COL24A1: variants seen among roughly 807,000 people sequenced by gnomAD.
COL24A1 encodes collagen alpha-1(XXIV) chain.
Under a neutral mutation model 253.9 loss-of-function variants are expected in COL24A1, and 224 were observed. That is an observed-to-expected ratio of 0.88 (90% confidence interval 0.79 to 0.99). COL24A1 has a LOEUF of 0.99. Ranked by LOEUF, COL24A1 falls within the 50% of genes least tolerant of loss-of-function variation. COL24A1 has a pLI of 0.00. For synonymous variants in COL24A1, 685 were observed against 673.7 expected (o/e 1.02, Z -0.26); for missense variants, 2,131 against 2,068.5 (o/e 1.03, Z -0.59).
intron 24 of COL24A1, among the ~76,000 whole-genome samples, chr1:85,948,252 C>T (rs1045022654): frequency 6.6e-5 from 10 of 152,174 alleles, no homozygotes; most frequent in South Asian, 6.2e-4. Context: ...AGGCCGGGCG[C>T]GGTGGCTCAC....
intron 28 of COL24A1, among the ~76,000 whole-genome samples, chr1:85,898,243 C>T (rs1170546901): frequency 6.6e-6 from 1 of 152,098 alleles, no homozygotes; most frequent in South Asian, 2.1e-4. Flanking sequence ...TGAAGGAGTC[C>T]TTTAGGCTTC....
chr1:85,997,910 A>G (rs1056419363), intron 19 of COL24A1, among the ~76,000 whole-genome samples: 6 of 152,166 alleles, frequency 3.9e-5, no homozygotes, highest in African/African-American at 1.2e-4. Flanking sequence ...TAGAGTTGCC[A>G]ATGACCACTT....
chr1:85,848,990 A>G (rs1034786996), intron 38 of COL24A1, among the ~76,000 whole-genome samples: 1 of 152,214 alleles, frequency 6.6e-6, no homozygotes, highest in African/African-American at 2.4e-5. Context: ...TTATAGTTAC[A>G]TTCTCTTCCC....
intron 8 of COL24A1, 105 bp from the exon 9 acceptor site, chr1:86,059,279 G>T: frequency 1.3e-6 from 1 of 748,850 alleles, no homozygotes; most frequent in South Asian, 2.3e-5. Context: ...TAAAAATACG[G>T]AGTCCTACAC....
chr1:85,997,041 A>ATGTGTGTGTGTGTGTG (rs1212886965), intron 19 of COL24A1, among the ~76,000 whole-genome samples: 1,980 of 78,956 alleles, frequency 0.025, 470 homozygotes, highest in Non-Finnish European at 0.04. Flanking sequence ...ATATATATAT[A>ATGTGTGTGTGTGTGTG]TGTGTGTGTG....
chr1:85,837,460 C>T (rs2102207931), intron 43 of COL24A1, among the ~76,000 whole-genome samples: 1 of 152,144 alleles, frequency 6.6e-6, no homozygotes, highest in Middle Eastern at 3.4e-3. Context: ...TCAGACATGA[C>T]CACAGGAATT....
chr1:85,736,920 AAAG>A (rs1436560077), intron 58 of COL24A1, among the ~76,000 whole-genome samples: 1 of 152,190 alleles, frequency 6.6e-6, no homozygotes, highest in African/African-American at 2.4e-5. Flanking sequence ...ATTATTCATG[AAAG>A]AAGTTTTTAG....
chr1:86,128,564 G>C (rs1227519977), intron 2 of COL24A1, among the ~76,000 whole-genome samples: 1 of 151,912 alleles, frequency 6.6e-6, no homozygotes, highest in Non-Finnish European at 1.5e-5. Context: ...CATTTATTAA[G>C]AACCCCTGCC....
intron 20 of COL24A1, among the ~76,000 whole-genome samples, chr1:85,975,607 G>T (rs1283247952): frequency 1.3e-5 from 2 of 152,194 alleles, no homozygotes; most frequent in African/African-American, 4.8e-5. Flanking sequence ...GTGGTTAGCA[G>T]AGGTTGGGAA....
intron 1 of COL24A1, among the ~76,000 whole-genome samples, chr1:86,151,341 T>C (rs1189063537): frequency 6.6e-6 from 1 of 152,174 alleles, no homozygotes; most frequent in East Asian, 1.9e-4. Flanking sequence ...ATGTGGACCA[T>C]GTGTCACTAA....
rs10526604 is a variant in COL24A1 at position 85,906,264 on chromosome 1, C to CTTTTTTTTTTTTTTTTTTTT, written c.2778+929_2778+930insAAAAAAAAAAAAAAAAAAAA. On this transcript the variant is annotated intron_variant, in intron 28 of 59. Coordinates refer to ENST00000370571, the MANE Select transcript of COL24A1 (RefSeq NM_152890.7). ...TTTGCCAACTGGAAAACTGCAAGGT[C>CTTTTTTTTTTTTTTTTTTTT]TTTTTTTTTTTTTACCATGGTTAGG... Among the ~76,000 whole-genome samples, 147 of 77,832 alleles carry CTTTTTTTTTTTTTTTTTTTT rather than the reference C, an allele frequency of 1.9e-3. 31 individuals are homozygous for CTTTTTTTTTTTTTTTTTTTT. Among genetic ancestry groups the CTTTTTTTTTTTTTTTTTTTT allele is most frequent in the Admixed American group, 7.1e-3 (38 of 5,376 alleles). The allele number at this position is 77,832 out of a possible 152,430, so 51.1% of individuals were successfully genotyped here. A position where few individuals can be genotyped will look rare whatever the true frequency, so the allele number is the denominator to read the frequency against.
At chr1:85,941,645 C>G (rs1017116780) in intron 24 of COL24A1, among the ~76,000 whole-genome samples, 4 of 151,950 alleles carry the variant, frequency 2.6e-5, no homozygotes, top group African/African-American at 9.7e-5. Flanking sequence ...AAATGGAATC[C>G]TTTTATTATT....
chr1:86,083,668 G>A (rs1702843588), intron 7 of COL24A1, among the ~76,000 whole-genome samples: 1 of 152,112 alleles, frequency 6.6e-6, no homozygotes, highest in Admixed American at 6.5e-5. Context: ...TAGCTAACCT[G>A]AAATAAAATG....
rs1436386476 is a variant in COL24A1, at chr1:86,156,566, G to A, written c.-170C>T. 1 of 501,356 alleles carries A rather than the reference G, an allele frequency of 2.0e-6. No individual in the cohort carries two copies. The highest frequency in any genetic ancestry group is 3.4e-6 in the Non-Finnish European group (1 of 297,946). The allele number at this position is 501,356 out of a possible 1,614,324, so 31.1% of individuals were successfully genotyped here. A position where few individuals can be genotyped will look rare whatever the true frequency, so the allele number is the denominator to read the frequency against. On this transcript the variant is annotated 5_prime_UTR_variant, in exon 1 of 60. Coordinates refer to ENST00000370571, the MANE Select transcript of COL24A1 (RefSeq NM_152890.7). ...AGGGGAGGGGGTGAAGTCGGGAGGA[G>A]GTAGGAAATAGCACCCGAAGGGGAG... is the stretch of plus-strand genomic sequence containing the variant.
intron 24 of COL24A1, among the ~76,000 whole-genome samples, chr1:85,915,266 C>A (rs1016557832): frequency 2.6e-5 from 4 of 152,182 alleles, no homozygotes; most frequent in Non-Finnish European, 5.9e-5. Flanking sequence ...ACTCCTAGTT[C>A]TCAGGCCTTT....
chr1:85,789,485 T>A (rs1025738262), intron 47 of COL24A1, among the ~76,000 whole-genome samples: 1 of 152,104 alleles, frequency 6.6e-6, no homozygotes, highest in African/African-American at 2.4e-5. Context: ...TTTCTAGATA[T>A]AGGATCATTC....
intron 20 of COL24A1, 64 bp downstream of exon 20, chr1:85,987,537 T>C: frequency 7.4e-7 from 1 of 1,354,142 alleles, no homozygotes; most frequent in South Asian, 1.2e-5. Context: ...TTTTCCCATT[T>C]ATTGAGAATC....
chr1:85,824,080 G>C (rs954507996), intron 43 of COL24A1, among the ~76,000 whole-genome samples: 1 of 152,118 alleles, frequency 6.6e-6, no homozygotes, highest in Non-Finnish European at 1.5e-5. Flanking sequence ...ATGTCACTAA[G>C]TTAAGGATCT....
rs954676982 is a variant in COL24A1 at position 85,877,996 on chromosome 1, ACTT to A, written c.2977-824_2977-822del. ...TACAGCATGTAACCTTTTCATACTGACTTCTTTAACTTAGCAGTATGCATTTAA... is the reference window on the plus strand; with the variant it reads ...TACAGCATGTAACCTTTTCATACTGACTTTAACTTAGCAGTATGCATTTAA... On this transcript the variant is annotated intron_variant, in intron 32 of 59. Coordinates refer to ENST00000370571, the MANE Select transcript of COL24A1 (RefSeq NM_152890.7). Among the ~76,000 whole-genome samples the A allele has an allele frequency of 2.6e-4, 39 of 152,270 alleles. No homozygotes were observed. In the Middle Eastern group the frequency reaches 0.024, roughly 93 times the overall value.
Sources: gnomAD v4.1 joint callset for allele counts (sites outside exome capture counted in the v4.1 genomes callset) on GRCh38, gnomAD v4.1.1 for gene constraint, MANE v1.5 for transcripts, NCBI Gene and HGNC (gene_info 2026-07-23, HGNC 2026-07-21) for gene names.